Variants in DECR1 observed in about 807,000 individuals in gnomAD.
DECR1 encodes 2,4-dienoyl-CoA reductase 1, also known as 2,4-dienoyl-CoA reductase [(3E)-enoyl-CoA-producing], mitochondrial.
In DECR1, 44 loss-of-function variants were observed where a neutral mutation model predicts 38.8. That is an observed-to-expected ratio of 1.13 (90% CI 0.89 to 1.46). The LOEUF (loss-of-function observed/expected upper bound fraction) is 1.46. DECR1 is among the 40% of genes most tolerant of loss of function. DECR1 has a pLI of 0.00. For missense variants in DECR1, 428 were observed against 405.5 expected (o/e 1.06, Z -0.48); for synonymous variants, 148 against 135.2 (o/e 1.09, Z -0.66).
intron 8 of DECR1, among the ~76,000 whole-genome samples, chr8:90,047,087 T>G (rs1046866762): frequency 6.6e-6 from 1 of 152,040 alleles, no homozygotes; most frequent in African/African-American, 2.4e-5. Context: ...CAGGCCAAAT[T>G]GTAGAGACCA....
At chr8:90,026,350 T>A (rs1361551566) in intron 5 of DECR1, among the ~76,000 whole-genome samples, 1 of 152,332 alleles carries the variant, frequency 6.6e-6, no homozygotes, top group East Asian at 1.9e-4. Flanking sequence ...ATCTGTCTGT[T>A]CCTGGACTTT....
intron 5 of DECR1, among the ~76,000 whole-genome samples, chr8:90,031,130 A>G (rs1813483407): frequency 6.6e-6 from 1 of 152,154 alleles, no homozygotes; most frequent in Admixed American, 6.6e-5. Context: ...ATCCTGGTTA[A>G]TACTTATTAG....
At chr8:90,006,164 TC>T in intron 1 of DECR1, 1 of 703,176 alleles carries the variant, frequency 1.4e-6, no homozygotes, top group Non-Finnish European at 2.6e-6. Context: ...CATCCAAACA[TC>T]CTTAGCAGGT....
At chr8:90,042,862 A>T in intron 7 of DECR1, 62 bp downstream of exon 7, 1 of 1,397,138 alleles carries the variant, frequency 7.2e-7, no homozygotes, top group East Asian at 2.3e-5. Context: ...ACTGATAGGT[A>T]TATTCTGGTT....
chr8:90,026,717 T>A (rs956616962), intron 5 of DECR1, among the ~76,000 whole-genome samples: 1 of 152,204 alleles, frequency 6.6e-6, no homozygotes, highest in African/African-American at 2.4e-5. Flanking sequence ...TGTGTTTCTA[T>A]CTCCTTCAGT....
chr8:90,045,020 C>CT (rs746916937), intron 8 of DECR1, 25 bp downstream of exon 8: 15 of 1,611,056 alleles, frequency 9.3e-6, no homozygotes, highest in Admixed American at 3.3e-5. Flanking sequence ...TTTCTCTTCA[C>CT]TTTTTTTTCA....
chr8:90,037,897 C>G (rs904396867), intron 6 of DECR1, among the ~76,000 whole-genome samples: 3 of 152,136 alleles, frequency 2.0e-5, no homozygotes, highest in Non-Finnish European at 4.4e-5. Flanking sequence ...TTTGTATTCA[C>G]ATTTTCACCA....
intron 5 of DECR1, among the ~76,000 whole-genome samples, chr8:90,035,958 A>C (rs1813608341): frequency 6.6e-6 from 1 of 152,054 alleles, no homozygotes; most frequent in African/African-American, 2.4e-5. Context: ...CTCTACTGAA[A>C]GCTCTGGATG....
chr8:90,019,159 C>G lies in DECR1; in HGVS notation c.404C>G (p.Ala135Gly). 1 of 1,613,942 alleles carries G rather than the reference C, an allele frequency of 6.2e-7. No homozygotes were observed. Among genetic ancestry groups the G allele is most frequent in the South Asian group, 1.1e-5 (1 of 91,070 alleles). Residue 135 changes from alanine (A) to glycine (G), a missense_variant, in exon 4 of 10, where the codon GCA becomes GGA. Ala to Gly is a moderately conservative substitution (Grantham distance 60). Transcript: ENST00000220764. ...QNTVSELIKV[A>G]GHPNIVINNA... ...ACTGTGTCAGAACTGATCAAAGTTG[C>G]AGGACATCCTAATGTAAGTGTAGCA...
At position 90,026,427 on chromosome 8, in the gene DECR1, C is replaced by G. The variant is rs144024885; in HGVS notation, c.565+5371C>G. ...TGTGTTATTGGTATATTCAGGGATTCAACTTCCTCCTGGTTTAGTCTTGGG... is the reference window on the plus strand; with the variant it reads ...TGTGTTATTGGTATATTCAGGGATTGAACTTCCTCCTGGTTTAGTCTTGGG... On this transcript the variant is annotated intron_variant, in intron 5 of 9. Coordinates refer to ENST00000220764, the MANE Select transcript of DECR1 (RefSeq NM_001359.2). 8.3e-4 allele frequency among the ~76,000 whole-genome samples: 127 copies of G among 152,230 alleles called. 1 individual carries two copies. The East Asian group carries it at 0.02, about 24-fold the overall frequency.
At chr8:90,047,004 GCC>G (rs1813924897) in intron 8 of DECR1, among the ~76,000 whole-genome samples, 1 of 152,060 alleles carries the variant, frequency 6.6e-6, no homozygotes, top group Admixed American at 6.6e-5. Flanking sequence ...TCACCACCAG[GCC>G]TGCCTTACAA....
At chr8:90,005,674 T>C (rs1053534444) in intron 1 of DECR1, 2 of 354,334 alleles carry the variant, frequency 5.6e-6, no homozygotes, top group Non-Finnish European at 1.1e-5. Context: ...ATCAACTGTC[T>C]CTGCACAGAC....
intron 1 of DECR1, among the ~76,000 whole-genome samples, chr8:90,016,495 G>A (rs190420887): frequency 5.9e-5 from 9 of 152,086 alleles, no homozygotes; most frequent in Admixed American, 2.0e-4. Flanking sequence ...ATTTAACGGC[G>A]TGGTGGTGTG....
At chr8:90,001,629 G>C (rs1812614048) in intron 1 of DECR1, 68 bp downstream of exon 1, 7 of 1,441,750 alleles carry the variant, frequency 4.9e-6, no homozygotes, top group South Asian at 2.4e-5. Context: ...AGGACAGGGC[G>C]TCACGGGGGC....
intron 8 of DECR1, among the ~76,000 whole-genome samples, chr8:90,047,411 C>T (rs1268112880): frequency 6.6e-6 from 1 of 151,900 alleles, no homozygotes; most frequent in African/African-American, 2.4e-5. Flanking sequence ...AGACTTTAAA[C>T]CAACAAAGAT....
chr8:90,052,695 A>T lies in DECR1; in HGVS notation c.*798A>T, dbSNP rs1232628289. ...AAGAAAGCCTATAAAATATTTTTGT[A>T]TATCATTTGATTAAATTTCATCTTT... On this transcript the variant is annotated 3_prime_UTR_variant, in exon 10 of 10. Coordinates refer to ENST00000220764, the MANE Select transcript of DECR1 (RefSeq NM_001359.2). Among the ~76,000 whole-genome samples, 1 of 152,170 alleles carries T rather than the reference A, an allele frequency of 6.6e-6. No homozygotes were observed. Among genetic ancestry groups the T allele is most frequent in the African/African-American group, 2.4e-5 (1 of 41,448 alleles).
At position 90,049,499 on chromosome 8, in the gene DECR1, T is replaced by C. The variant is rs549380370; in HGVS notation, c.886-2178T>C. Among the ~76,000 whole-genome samples the C allele has an allele frequency of 1.4e-4, 22 of 152,234 alleles. No homozygotes were observed. In the South Asian group the frequency reaches 4.1e-3, roughly 29 times the overall value. The stretch of plus-strand genomic sequence containing the variant: ...TGTGAAGTACCTCTTCAAGGAGAAC[T>C]ACAAACCACTGCTCAGTAAAATTAA... On this transcript the variant is annotated intron_variant, in intron 8 of 9. Coordinates refer to ENST00000220764, the MANE Select transcript of DECR1 (RefSeq NM_001359.2).
At chr8:90,004,841 CAT>C (rs1812702460) in intron 1 of DECR1, among the ~76,000 whole-genome samples, 1 of 152,266 alleles carries the variant, frequency 6.6e-6, no homozygotes, top group Non-Finnish European at 1.5e-5. Flanking sequence ...TTGCTATGAA[CAT>C]GTGTATGTTG....
chr8:90,043,447 T>C (rs1813813656), intron 7 of DECR1, among the ~76,000 whole-genome samples: 4 of 152,222 alleles, frequency 2.6e-5, no homozygotes. Context: ...CCACACCTTC[T>C]CTGCTCTCTC....
Sources: gnomAD v4.1 joint callset for allele counts (sites outside exome capture counted in the v4.1 genomes callset) on GRCh38, gnomAD v4.1.1 for gene constraint, MANE v1.5 for transcripts, NCBI Gene and HGNC (gene_info 2026-07-23, HGNC 2026-07-21) for gene names.